Variants in DCDC1 observed in about 807,000 individuals in gnomAD.
DCDC1 encodes the protein doublecortin domain-containing protein 1.
In DCDC1, 200 loss-of-function variants were observed where a neutral mutation model predicts 178.3. That is an observed-to-expected ratio of 1.12 (90% confidence interval 1.00 to 1.26). The LOEUF (loss-of-function observed/expected upper bound fraction) is 1.26, where lower values mean the gene tolerates loss of function less well. DCDC1 is among the 50% of genes most tolerant of loss of function. The pLI is 0.00. For synonymous variants in DCDC1, 690 were observed against 604.8 expected (o/e 1.14, Z -2.07); for missense variants, 1,983 against 1,749.2 (o/e 1.13, Z -2.38).
Position 31,307,367 on chromosome 11 carries a change from A to G in DCDC1, c.434+272T>C, listed in dbSNP as rs189442201. ...TATTTTTAAATAAGTTCGTGTGAGC[A>G]AAGATATTTCATGATCCTAGCCTGA... On this transcript the variant is annotated intron_variant, in intron 4 of 38. Coordinates refer to ENST00000684477, the MANE Select transcript of DCDC1 (RefSeq NM_001387274.1). The G allele has an allele frequency of 2.7e-4, 99 of 362,942 alleles. 1 individual carries two copies. The highest frequency in any genetic ancestry group is 2.7e-3 in the East Asian group (64 of 23,500). The allele number at this position is 362,942 out of a possible 1,614,324, so 22.5% of individuals were successfully genotyped here. A position where few individuals can be genotyped will look rare whatever the true frequency, so the allele number is the denominator to read the frequency against.
chr11:31,044,394 C>T (rs773582820), intron 20 of DCDC1, among the ~76,000 whole-genome samples: 4 of 148,998 alleles, frequency 2.7e-5, no homozygotes, highest in Non-Finnish European at 4.4e-5. Flanking sequence ...GGAGAATGGG[C>T]ATGAACCCGG....
chr11:30,971,603 G>GT (rs71060475), intron 20 of DCDC1, among the ~76,000 whole-genome samples: 5,817 of 83,434 alleles, frequency 0.07, 675 homozygotes, highest in African/African-American at 0.19. Flanking sequence ...ACAGGCCTTT[G>GT]TTTTTTTTTT....
At chr11:31,117,458 A>G (rs2135856393) in intron 11 of DCDC1, among the ~76,000 whole-genome samples, 1 of 152,054 alleles carries the variant, frequency 6.6e-6, no homozygotes, top group Admixed American at 6.6e-5. Flanking sequence ...GCAAGTTTTG[A>G]GCAAAGGGTG....
At chr11:31,139,821 T>C (rs950223142) in intron 9 of DCDC1, among the ~76,000 whole-genome samples, 4 of 151,518 alleles carry the variant, frequency 2.6e-5, no homozygotes, top group Admixed American at 2.6e-4. Context: ...CTAATCTACA[T>C]AAAAGGGGGA....
At chr11:31,027,438 G>T (rs1398814368) in intron 20 of DCDC1, among the ~76,000 whole-genome samples, 1 of 151,804 alleles carries the variant, frequency 6.6e-6, no homozygotes, top group Non-Finnish European at 1.5e-5. Context: ...GTAACTCTTT[G>T]TCATGCAGGA....
intron 20 of DCDC1, among the ~76,000 whole-genome samples, chr11:31,016,988 A>G (rs1952518698): frequency 6.6e-6 from 1 of 152,216 alleles, no homozygotes; most frequent in Non-Finnish European, 1.5e-5. Context: ...CTAGTCCAGA[A>G]ATTGTTTGAT....
At chr11:31,210,371 G>T (rs1022107864) in intron 9 of DCDC1, among the ~76,000 whole-genome samples, 5 of 152,168 alleles carry the variant, frequency 3.3e-5, no homozygotes, top group African/African-American at 1.2e-4. Context: ...TTGACTGAAT[G>T]ACTAATAGCA....
intron 20 of DCDC1, among the ~76,000 whole-genome samples, chr11:30,982,082 T>C (rs1590650789): frequency 6.6e-6 from 1 of 152,340 alleles, no homozygotes; most frequent in East Asian, 1.9e-4. Flanking sequence ...ATAAATTACA[T>C]GTCTAAAAAC....
intron 26 of DCDC1, 146 bp from the exon 27 acceptor site, chr11:30,915,857 T>C: frequency 1.4e-6 from 1 of 733,768 alleles, no homozygotes; most frequent in Non-Finnish European, 2.3e-6. Flanking sequence ...ATCATTAGAA[T>C]GACGGCAATG....
intron 11 of DCDC1, among the ~76,000 whole-genome samples, chr11:31,118,637 T>C (rs1458535203): frequency 2.0e-5 from 3 of 152,306 alleles, no homozygotes; most frequent in South Asian, 2.1e-4. Context: ...TTAACTGTTA[T>C]GGAGAAGGAC....
chr11:31,050,014 C>T (rs1955135860), intron 20 of DCDC1, among the ~76,000 whole-genome samples: 1 of 152,168 alleles, frequency 6.6e-6, no homozygotes, highest in Non-Finnish European at 1.5e-5. Flanking sequence ...GCCAGAACTC[C>T]AGGGAGGGTG....
intron 9 of DCDC1, among the ~76,000 whole-genome samples, chr11:31,154,626 T>C (rs1468711763): frequency 1.3e-5 from 2 of 152,114 alleles, no homozygotes; most frequent in Admixed American, 1.3e-4. Context: ...AGAGCTGTAG[T>C]GAAAATTATG....
Position 30,922,577 on chromosome 11 carries a change from T to C in DCDC1, c.3059A>G (p.Lys1020Arg). The C allele has an allele frequency of 6.3e-7, 1 of 1,588,684 alleles. No homozygotes were observed. Among genetic ancestry groups the C allele is most frequent in the East Asian group, 2.3e-5 (1 of 43,046 alleles). Residue 1020 changes from lysine (K) to arginine (R), a missense_variant, in exon 24 of 39, where the codon AAA becomes AGA. By Grantham distance (26) the Lys-to-Arg change is conservative. Transcript: ENST00000684477. ...TTCTAGGTTCCTCAGGAATATTTGTTTCTTTTGCTGAGCAATGGACAGGTC... is the reference window on the plus strand; with the variant it reads ...TTCTAGGTTCCTCAGGAATATTTGTCTCTTTTGCTGAGCAATGGACAGGTC... ...NPDLSIAQQK[K>R]QIFLRNLESD...
At chr11:30,945,665 C>T (rs1008491724) in intron 21 of DCDC1, among the ~76,000 whole-genome samples, 1 of 151,958 alleles carries the variant, frequency 6.6e-6, no homozygotes, top group African/African-American at 2.4e-5. Flanking sequence ...TGCACTTCAG[C>T]CGGGGTAACA....
intron 1 of DCDC1, among the ~76,000 whole-genome samples, chr11:31,339,488 A>T (rs1281299489): frequency 6.6e-6 from 1 of 152,174 alleles, no homozygotes; most frequent in Non-Finnish European, 1.5e-5. Context: ...TATGGAAACA[A>T]ATGTATACAT....
At chr11:31,005,971 A>AAC (rs1555005192) in intron 20 of DCDC1, among the ~76,000 whole-genome samples, 34 of 146,134 alleles carry the variant, frequency 2.3e-4, no homozygotes, top group African/African-American at 7.0e-4. Context: ...AAAAAAAAAA[A>AAC]AAAAAAACTT....
intron 20 of DCDC1, among the ~76,000 whole-genome samples, chr11:30,959,028 T>C (rs749021514): frequency 4.6e-5 from 7 of 152,062 alleles, no homozygotes; most frequent in Non-Finnish European, 8.8e-5. Flanking sequence ...AAGGATAAAG[T>C]CCTGGGTAAA....
At chr11:30,990,836 C>T (rs755383018) in intron 20 of DCDC1, among the ~76,000 whole-genome samples, 1 of 152,152 alleles carries the variant, frequency 6.6e-6, no homozygotes, top group Non-Finnish European at 1.5e-5. Context: ...ACGCTAATCA[C>T]GCAAGTGCAG....
At chr11:31,272,630 A>G (rs548497294) in intron 7 of DCDC1, among the ~76,000 whole-genome samples, 1 of 152,348 alleles carries the variant, frequency 6.6e-6, no homozygotes, top group South Asian at 2.1e-4. Flanking sequence ...GCAAGTCTAA[A>G]ATCCAACAGG....
Sources: allele counts gnomAD v4.1 joint callset (sites outside exome capture counted in the v4.1 genomes callset), GRCh38; gene constraint gnomAD v4.1.1; transcripts MANE v1.5; gene names NCBI Gene and HGNC (gene_info 2026-07-23, HGNC 2026-07-21).